Variants in SUPT3H observed in about 807,000 individuals in gnomAD.
SUPT3H encodes the protein transcription initiation protein SPT3 homolog.
In SUPT3H, 44 loss-of-function variants were observed where a neutral mutation model predicts 44.3. The ratio of observed to expected loss-of-function variants is 0.99; its 90% CI spans 0.78 to 1.28. The LOEUF (loss-of-function observed/expected upper bound fraction) is 1.28, where lower values mean the gene tolerates loss of function less well. Among genes scored for constraint, SUPT3H ranks in the 50% most tolerant of loss-of-function variants. The pLI is 0.00. For synonymous variants in SUPT3H, 124 were observed against 125.6 expected (o/e 0.99, Z 0.09); for missense variants, 380 against 387.1 (o/e 0.98, Z 0.15).
intron 2 of SUPT3H, among the ~76,000 whole-genome samples, chr6:45,116,101 TAAG>T (rs1800802710): frequency 6.6e-6 from 1 of 152,150 alleles, no homozygotes; most frequent in South Asian, 2.1e-4. Context: ...TCCTTTATGA[TAAG>T]AAGAAATAAA....
At chr6:45,216,996 G>A (rs1033465993) in intron 2 of SUPT3H, among the ~76,000 whole-genome samples, 10 of 152,144 alleles carry the variant, frequency 6.6e-5, no homozygotes, top group African/African-American at 2.2e-4. Flanking sequence ...GGAGGGCAGA[G>A]AGATTACAAG....
Position 45,269,894 on chromosome 6 carries a change from C to T in SUPT3H, c.101+95307G>A, listed in dbSNP as rs191832708. Among the ~76,000 whole-genome samples, 35 of 152,204 alleles carry T rather than the reference C, an allele frequency of 2.3e-4. No individual in the cohort carries two copies. The East Asian group carries it at 5.8e-3, about 25-fold the overall frequency. ...TAATTTCAGAACATTTTCATCACTC[C>T]AAAAACAAACCCTGTCCTTTAACAG... On this transcript the variant is annotated intron_variant, in intron 2 of 10. Transcript: ENST00000371459.
chr6:45,285,768 A>G (rs1299050625), intron 2 of SUPT3H, among the ~76,000 whole-genome samples: 1 of 152,194 alleles, frequency 6.6e-6, no homozygotes, highest in Non-Finnish European at 1.5e-5. Flanking sequence ...GGAACCAAAA[A>G]AGAGCCTGCA....
intron 1 of SUPT3H, among the ~76,000 whole-genome samples, chr6:45,375,213 T>C (rs1399874072): frequency 8.5e-5 from 13 of 152,064 alleles, no homozygotes; most frequent in Non-Finnish European, 1.5e-5. Flanking sequence ...ATCTCAAAAA[T>C]AATAAAGTAT....
At chr6:45,026,335 T>C (rs900328785) in intron 3 of SUPT3H, among the ~76,000 whole-genome samples, 1 of 152,202 alleles carries the variant, frequency 6.6e-6, no homozygotes, top group African/African-American at 2.4e-5. Flanking sequence ...CACTAAGTGA[T>C]TGCACAACCT....
intron 2 of SUPT3H, among the ~76,000 whole-genome samples, chr6:45,325,706 T>A (rs1351872753): frequency 1.3e-5 from 2 of 151,868 alleles, no homozygotes; most frequent in Non-Finnish European, 2.9e-5. Context: ...GGTATAAATC[T>A]ATAATCAAGA....
At chr6:44,980,790 T>C (rs530601390) in intron 6 of SUPT3H, among the ~76,000 whole-genome samples, 98 of 152,354 alleles carry the variant, frequency 6.4e-4, no homozygotes, top group African/African-American at 2.3e-3. Context: ...ACAAACATTT[T>C]TTTAAATGCA....
chr6:44,840,280 A>G (rs1581922038), intron 10 of SUPT3H, among the ~76,000 whole-genome samples: 2 of 152,144 alleles, frequency 1.3e-5, no homozygotes, highest in East Asian at 1.9e-4. Flanking sequence ...AGGTTTTAGG[A>G]GAAGGGCAAA....
intron 2 of SUPT3H, chr6:45,323,070 T>G: frequency 1.5e-6 from 1 of 689,430 alleles, no homozygotes; most frequent in Non-Finnish European, 2.4e-6. Context: ...TGACAATTAC[T>G]GTGCCGGTTG....
At chr6:44,927,253 T>C (rs761429030) in intron 10 of SUPT3H, among the ~76,000 whole-genome samples, 1 of 152,128 alleles carries the variant, frequency 6.6e-6, no homozygotes, top group Non-Finnish European at 1.5e-5. Context: ...TATTAATATG[T>C]ATATACAAAG....
At chr6:45,339,891 G>A (rs994664410) in intron 2 of SUPT3H, among the ~76,000 whole-genome samples, 37 of 152,060 alleles carry the variant, frequency 2.4e-4, no homozygotes, top group African/African-American at 7.0e-4. Context: ...TTACTGTACC[G>A]GGTACTATGC....
chr6:45,227,975 C>CA lies in SUPT3H; in HGVS notation c.102-121970dup, dbSNP rs932202478. On this transcript the variant is annotated intron_variant, in intron 2 of 10. Transcript: ENST00000371459. ...TAATAAGAATGGCGAAGAAAACAAG[C>CA]AAAAAAAAAACTACACTCAAAGTAC... Among the ~76,000 whole-genome samples, 99 of 144,040 alleles carry CA rather than the reference C, an allele frequency of 6.9e-4. 1 individual carries two copies. Among genetic ancestry groups the CA allele is most frequent in the Middle Eastern group, 3.4e-3 (1 of 290 alleles). 94.5% of individuals were successfully genotyped at this position (144,040 alleles called of 152,430 possible).
chr6:44,910,190 T>C (rs999684919), intron 10 of SUPT3H, among the ~76,000 whole-genome samples: 8 of 151,950 alleles, frequency 5.3e-5, no homozygotes, highest in Admixed American at 1.3e-4. Context: ...TTCTCTCTTT[T>C]CCCCTACACC....
At chr6:45,128,658 T>C (rs1802929135) in intron 2 of SUPT3H, among the ~76,000 whole-genome samples, 1 of 143,608 alleles carries the variant, frequency 7.0e-6, no homozygotes, top group South Asian at 2.2e-4. Context: ...GTCCAGTCTA[T>C]AGAATGAAAA....
chr6:44,968,833 G>A (rs1379617921), intron 6 of SUPT3H, among the ~76,000 whole-genome samples: 3 of 152,080 alleles, frequency 2.0e-5, no homozygotes, highest in African/African-American at 7.2e-5. Flanking sequence ...TCAAATTTAA[G>A]CTCAAATGCC....
At chr6:45,138,107 C>T (rs987368720) in intron 2 of SUPT3H, among the ~76,000 whole-genome samples, 2 of 151,882 alleles carry the variant, frequency 1.3e-5, no homozygotes, top group African/African-American at 4.8e-5. Context: ...TAAAAAGATG[C>T]TCAACAGTAT....
Position 45,298,738 on chromosome 6 carries a change from G to T in SUPT3H, c.101+66463C>A, listed in dbSNP as rs190476742. ...ATTGTTACTTTTCTATTTACTGAAT[G>T]GTAAAATCTGAAAATATCCCATATT... On this transcript the variant is annotated intron_variant, in intron 2 of 10. Coordinates refer to ENST00000371459, the MANE Select transcript of SUPT3H (RefSeq NM_003599.4). Among the ~76,000 whole-genome samples, 224 of 151,968 alleles carry T rather than the reference G, an allele frequency of 1.5e-3. 1 individual carries two copies. The Middle Eastern group carries it at 0.02, about 14-fold the overall frequency.
intron 10 of SUPT3H, among the ~76,000 whole-genome samples, chr6:44,894,738 G>T (rs1411269620): frequency 6.6e-6 from 1 of 151,752 alleles, no homozygotes; most frequent in South Asian, 2.1e-4. Flanking sequence ...ATTTAGCAAA[G>T]TATTATATAT....
At chr6:45,072,979 T>C (rs923444882) in intron 3 of SUPT3H, among the ~76,000 whole-genome samples, 1 of 152,154 alleles carries the variant, frequency 6.6e-6, no homozygotes, top group African/African-American at 2.4e-5. Flanking sequence ...GTATCATTTA[T>C]TGTTCTGTCA....
Sources: allele counts gnomAD v4.1 joint callset (sites outside exome capture counted in the v4.1 genomes callset), GRCh38; gene constraint gnomAD v4.1.1; transcripts MANE v1.5; gene names NCBI Gene and HGNC (gene_info 2026-07-23, HGNC 2026-07-21).